Variants in GGT7 observed in about 807,000 individuals in gnomAD.
GGT7 encodes glutathione hydrolase 7.
GGT7 carries 30 observed loss-of-function variants against 69.2 expected under a neutral mutation model. That is an observed-to-expected ratio of 0.43 (90% CI 0.32 to 0.59). The LOEUF is 0.59. Among genes scored for constraint, GGT7 ranks in the 20% least tolerant of loss-of-function variants. The pLI, the probability that GGT7 is intolerant of heterozygous loss-of-function variation, is 0.05. For missense variants in GGT7, 733 were observed against 901.1 expected, an observed-to-expected ratio of 0.81 and a Z score of 2.39; for synonymous variants, 388 against 391.8, an observed-to-expected ratio of 0.99 and a Z score of 0.12.
Position 34,844,955 on chromosome 20 carries a change from G to A in GGT7, c.*373C>T. 1 of 222,340 alleles carries A rather than the reference G, an allele frequency of 4.5e-6. No homozygotes were observed. Among genetic ancestry groups the A allele is most frequent in the Non-Finnish European group, 8.9e-6 (1 of 111,900 alleles). 13.8% of individuals were successfully genotyped at this position (222,340 alleles called of 1,614,324 possible). ...GGAAGACAAGGCCCAGGTCAGGCCA[G>A]TCTGAAGATGTTGGGGTTGTGAGAC... On this transcript the variant is annotated 3_prime_UTR_variant, in exon 15 of 15. Transcript: ENST00000336431.
chr20:34,854,868 A>G lies in GGT7; in HGVS notation c.1158T>C (p.Ala386=). Residue 386 remains alanine, a synonymous_variant, in exon 9 of 15, where the codon GCT becomes GCC. Transcript: ENST00000336431. ...PPHTGPALIS[A]LNILEGFNLT... is the part of the protein sequence containing the mutation. ...GATTGAAGCCCTCCAGGATGTTGAG[A>G]GCACTGATGAGGGCAGGGCCCGTGT... 1.2e-6 allele frequency: 2 copies of G among 1,613,984 alleles called. No individual in the cohort carries two copies. Among genetic ancestry groups the G allele is most frequent in the South Asian group, 1.1e-5 (1 of 91,078 alleles).
At chr20:34,855,789 C>CTCTGTGTGTGTGTGTGTGTG (rs543097272) in intron 8 of GGT7, among the ~76,000 whole-genome samples, 2 of 144,060 alleles carry the variant, frequency 1.4e-5, no homozygotes, top group South Asian at 2.4e-4. Context: ...TTTTTCTTTT[C>CTCTGTGTGTGTGTGTGTGTG]TGTGTGTGTG....
chr20:34,868,718 A>G (rs1568944873), intron 1 of GGT7, among the ~76,000 whole-genome samples: 1 of 152,194 alleles, frequency 6.6e-6, no homozygotes, highest in Non-Finnish European at 1.5e-5. Context: ...CCAGGCCAAT[A>G]AGACCCAAAC....
intron 3 of GGT7, 37 bp from the exon 4 acceptor site, chr20:34,861,599 A>T: frequency 8.0e-7 from 1 of 1,242,240 alleles, no homozygotes; most frequent in Non-Finnish European, 1.1e-6. Flanking sequence ...TGATGATAAC[A>T]TGCTACCCCT....
rs775715870 is a variant in GGT7, at chr20:34,862,830, T to A, written c.541A>T (p.Ser181Cys). Residue 181 changes from serine to cysteine, a missense_variant, in exon 3 of 15, where the codon AGT becomes TGT. Coordinates refer to ENST00000336431, the MANE Select transcript of GGT7 (RefSeq NM_178026.3). Reference sequence around the variant, plus strand: ...GCTCCTTACCCGCCCAGGCCAGAACTGTGTGGAGCCACGATACCCAAACAC... The same window carrying A: ...GCTCCTTACCCGCCCAGGCCAGAACAGTGTGGAGCCACGATACCCAAACAC... ...ALCLGIVAPH[S>C]SGLGGGGVML... is the part of the protein sequence containing the mutation. 6.2e-7 allele frequency: 1 copy of A among 1,613,930 alleles called. No individual in the cohort carries two copies. Among genetic ancestry groups the A allele is most frequent in the African/African-American group, 1.3e-5 (1 of 74,872 alleles).
At chr20:34,848,012 G>C (rs1479657647) in intron 14 of GGT7, among the ~76,000 whole-genome samples, 3 of 152,202 alleles carry the variant, frequency 2.0e-5, no homozygotes, top group Non-Finnish European at 1.5e-5. Context: ...AGAATCACTT[G>C]AACCCAGGAG....
intron 1 of GGT7, among the ~76,000 whole-genome samples, chr20:34,867,961 C>T (rs973260108): frequency 6.6e-6 from 1 of 152,190 alleles, no homozygotes; most frequent in Admixed American, 6.5e-5. Flanking sequence ...CCTTTGGGTT[C>T]AAGCATTTCT....
At chr20:34,848,738 G>A (rs1054538876) in intron 14 of GGT7, among the ~76,000 whole-genome samples, 8 of 152,152 alleles carry the variant, frequency 5.3e-5, no homozygotes, top group Non-Finnish European at 8.8e-5. Context: ...GCCACTTAGT[G>A]GTTGATCTTT....
chr20:34,858,105 A>G (rs758720514), intron 7 of GGT7, among the ~76,000 whole-genome samples: 3 of 152,214 alleles, frequency 2.0e-5, no homozygotes, highest in Non-Finnish European at 4.4e-5. Context: ...TGATTTGGGA[A>G]TAGTCATGAA....
intron 1 of GGT7, among the ~76,000 whole-genome samples, chr20:34,870,481 T>TTG (rs2079760837): frequency 2.0e-5 from 3 of 152,002 alleles, no homozygotes. Flanking sequence ...GAGGGTTTTT[T>TTG]TTGTTGTTGT....
chr20:34,852,331 C>T (rs991009167), intron 11 of GGT7, 58 bp downstream of exon 11: 2 of 1,608,022 alleles, frequency 1.2e-6, no homozygotes, highest in East Asian at 2.2e-5. Context: ...ACCCAGCCCC[C>T]ACCCCCTCTT....
chr20:34,852,401 A>G lies in GGT7; in HGVS notation c.1457T>C (p.Val486Ala), dbSNP rs1249599734. Residue 486 changes from valine (V) to alanine (A), a missense_variant, in exon 11 of 15, where the codon GTG becomes GCG. Physicochemically the swap from Val to Ala is moderately conservative, Grantham distance 64 (BLOSUM62 0). Transcript: ENST00000336431. ...TGAGCTGGCATACCTAACCATGGCC[A>G]CAATGAAGTCATCAGGTCCCATGAT... ...VLIMGPDDFI[V>A]AMVSSLNQPF... The G allele has an allele frequency of 1.9e-6, 3 of 1,614,124 alleles. No homozygotes were observed. The highest frequency in any genetic ancestry group is 2.5e-6 in the Non-Finnish European group (3 of 1,180,016).
In GGT7 at chr20:34,872,784, C is replaced by A. The variant is rs1330369568; in HGVS notation, c.32G>T (p.Ser11Ile). 1 of 1,398,258 alleles carries A rather than the reference C, an allele frequency of 7.2e-7. No individual in the cohort carries two copies. The highest frequency in any genetic ancestry group is 9.3e-7 in the Non-Finnish European group (1 of 1,069,734). 86.6% of individuals were successfully genotyped at this position (1,398,258 alleles called of 1,614,324 possible). A position where few individuals can be genotyped will look rare whatever the true frequency, so the allele number is the denominator to read the frequency against. ...CACTGGCGAGTAGGCGCCCAGGGCG[C>A]TCTCCTGGCTGGCCTCGTTCTCCGC... Reference protein sequence around the residue: MAAENEASQESALGAYSPVDY... With the variant: MAAENEASQEIALGAYSPVDY... Residue 11 changes from serine to isoleucine, a missense_variant, in exon 1 of 15, where the codon AGC (serine) becomes ATC (isoleucine). Physicochemically the swap from Ser to Ile is moderately radical, Grantham distance 142. Transcript: ENST00000336431.
At position 34,854,850 on chromosome 20, in the gene GGT7, G is replaced by A; in HGVS notation, c.1176C>T (p.Gly392=). ...GGGATACCAGGCTGGTGAGATTGAA[G>A]CCCTCCAGGATGTTGAGAGCACTGA... ...ALISALNILE[G]FNLTSLVSRE... is the part of the protein sequence containing the mutation. The change falls in exon 9 of 15, where the codon GGC becomes GGT. Residue 392 remains glycine, a synonymous_variant. Transcript: ENST00000336431. The A allele has an allele frequency of 6.2e-7, 1 of 1,614,102 alleles. No individual in the cohort carries two copies.
At chr20:34,856,639 A>G (rs902840829) in intron 8 of GGT7, among the ~76,000 whole-genome samples, 167 bp downstream of exon 8, 4 of 152,188 alleles carry the variant, frequency 2.6e-5, no homozygotes, top group Non-Finnish European at 5.9e-5. Flanking sequence ...GCTACTTTTC[A>G]GAAGGTGGGC....
intron 7 of GGT7, among the ~76,000 whole-genome samples, chr20:34,858,094 T>C (rs1334921850): frequency 6.6e-6 from 1 of 152,152 alleles, no homozygotes; most frequent in Non-Finnish European, 1.5e-5. Flanking sequence ...GCCACAGTGA[T>C]TGATTTGGGA....
intron 9 of GGT7, 69 bp downstream of exon 9, chr20:34,854,727 A>C: frequency 6.2e-7 from 1 of 1,603,990 alleles, no homozygotes; most frequent in Non-Finnish European, 8.5e-7. Context: ...GTCCTGCCCT[A>C]TGGCAGTACC....
intron 8 of GGT7, 102 bp from the exon 9 acceptor site, chr20:34,855,025 G>A (rs2079468309): frequency 5.4e-6 from 6 of 1,110,188 alleles, no homozygotes; most frequent in East Asian, 2.5e-5. Flanking sequence ...AGACCACTGC[G>A]CTGAACTCCC....
rs781024587 is a variant in GGT7 at position 34,861,472 on chromosome 20, C to A, written c.648G>T (p.Glu216Asp). 25 of 1,561,576 alleles carry A rather than the reference C, an allele frequency of 1.6e-5. No individual in the cohort carries two copies. In the South Asian group the frequency reaches 2.9e-4, roughly 18 times the overall value. ...TGGTCTCCCAGGATCTTTGCAGGGT[C>A]TCTTCCCTGAGGGCCCCTGGTGCGG... Reference protein sequence around the residue: ...RESAPGALREETLQRSWETKP... With the variant: ...RESAPGALREDTLQRSWETKP... The change falls in exon 4 of 15, where the codon GAG (glutamate) becomes GAT (aspartate). Residue 216 changes from glutamate to aspartate, a missense_variant. Transcript: ENST00000336431.
Sources: gnomAD v4.1 joint callset for allele counts (sites outside exome capture counted in the v4.1 genomes callset) on GRCh38, gnomAD v4.1.1 for gene constraint, MANE v1.5 for transcripts, NCBI Gene and HGNC (gene_info 2026-07-23, HGNC 2026-07-21) for gene names.